Variants in SERINC5 observed in about 807,000 individuals in gnomAD.
SERINC5 encodes chromosome 5 open reading frame 12.
A neutral mutation model predicts 63.1 loss-of-function variants in SERINC5; 41 were observed. The ratio of observed to expected loss-of-function variants is 0.65; its 90% CI spans 0.51 to 0.84. The LOEUF (loss-of-function observed/expected upper bound fraction) is 0.84. SERINC5 is among the 40% of genes least tolerant of loss of function. The pLI is 0.00. For synonymous variants in SERINC5, 222 were observed against 215.2 expected (o/e 1.03, Z -0.28); for missense variants, 523 against 573.0 (o/e 0.91, Z 0.89).
chr5:80,124,172 C>T (rs1744651585), intron 11 of SERINC5, among the ~76,000 whole-genome samples: 1 of 152,110 alleles, frequency 6.6e-6, no homozygotes, highest in African/African-American at 2.4e-5. Flanking sequence ...CCCCAAATGG[C>T]CAGGACTCGA....
At chr5:80,211,580 T>A (rs1282365525) in intron 1 of SERINC5, among the ~76,000 whole-genome samples, 1 of 152,224 alleles carries the variant, frequency 6.6e-6, no homozygotes, top group Non-Finnish European at 1.5e-5. Context: ...ATCACCTGTC[T>A]ATAAACTGCG....
intron 8 of SERINC5, among the ~76,000 whole-genome samples, chr5:80,153,570 C>T (rs1465031351): frequency 1.3e-5 from 2 of 152,012 alleles, no homozygotes; most frequent in East Asian, 3.9e-4. Flanking sequence ...GCACAAATTG[C>T]TATAAAACAA....
intron 2 of SERINC5, among the ~76,000 whole-genome samples, chr5:80,188,986 A>G (rs528506799): frequency 6.6e-5 from 10 of 152,298 alleles, no homozygotes; most frequent in African/African-American, 2.4e-4. Context: ...TTAGTTTGTT[A>G]TCCTGCTGAT....
intron 1 of SERINC5, among the ~76,000 whole-genome samples, chr5:80,252,701 C>T (rs1294214217): frequency 2.0e-5 from 3 of 151,792 alleles, no homozygotes; most frequent in Admixed American, 2.0e-4. Context: ...AGACTTTACA[C>T]TTATCATCAC....
chr5:80,121,802 G>T (rs1300103449), intron 11 of SERINC5, among the ~76,000 whole-genome samples: 2 of 152,094 alleles, frequency 1.3e-5, no homozygotes, highest in Admixed American at 6.6e-5. Flanking sequence ...GAGAAAGAGA[G>T]GGGGAGGAGA....
intron 7 of SERINC5, among the ~76,000 whole-genome samples, chr5:80,164,910 GTTTTTTT>G (rs70982026): frequency 3.5e-5 from 3 of 85,180 alleles, no homozygotes; most frequent in East Asian, 3.7e-4. Context: ...CTTTTTTTCT[GTTTTTTT>G]TTTTTTTTTT....
At chr5:80,222,923 G>A (rs1352648993) in intron 1 of SERINC5, among the ~76,000 whole-genome samples, 1 of 152,036 alleles carries the variant, frequency 6.6e-6, no homozygotes, top group African/African-American at 2.4e-5. Flanking sequence ...ACAGTGGTAC[G>A]GTCACAGCTT....
intron 2 of SERINC5, among the ~76,000 whole-genome samples, chr5:80,182,940 A>T (rs566301991): frequency 2.6e-5 from 4 of 152,178 alleles, no homozygotes; most frequent in Non-Finnish European, 5.9e-5. Flanking sequence ...AGTGGAAGGA[A>T]GCCATTTTTC....
chr5:80,210,166 C>T lies in SERINC5; in HGVS notation c.28-7113G>A, dbSNP rs114027618. On this transcript the variant is annotated intron_variant, in intron 1 of 11. Coordinates refer to ENST00000507668, the MANE Select transcript of SERINC5 (RefSeq NM_001174072.3). ...TCCCTTCTGAAGAAGCTTCCCCTCCCGCAAACATACTGCAAAGGAAAATCT... is the reference window on the plus strand; with the variant it reads ...TCCCTTCTGAAGAAGCTTCCCCTCCTGCAAACATACTGCAAAGGAAAATCT... Among the ~76,000 whole-genome samples, 1,028 of 152,288 alleles carry T rather than the reference C, an allele frequency of 6.8e-3. 12 individuals are homozygous for T. Among genetic ancestry groups the T allele is most frequent in the African/African-American group, 0.021 (868 of 41,568 alleles).
rs1745358462 is a variant in SERINC5, at chr5:80,139,189, ATT to A, written c.*4472_*4473del. On this transcript the variant is annotated 3_prime_UTR_variant, in exon 12 of 12. Coordinates refer to ENST00000507668, the MANE Select transcript of SERINC5 (RefSeq NM_001174072.3). ...TAATCGTTTCAGAAAAGTTTAAAAA[ATT>A]AGCAAAGTTATATCTATAAAACTTT... 1.0e-6 allele frequency: 1 copy of A among 983,186 alleles called. No homozygotes were observed. Among genetic ancestry groups the A allele is most frequent in the Non-Finnish European group, 1.2e-6 (1 of 827,984 alleles). 60.9% of individuals were successfully genotyped at this position (983,186 alleles called of 1,614,324 possible). A position where few individuals can be genotyped will look rare whatever the true frequency, so the allele number is the denominator to read the frequency against.
chr5:80,116,976 G>A (rs2112224266), intron 11 of SERINC5, among the ~76,000 whole-genome samples: 1 of 152,028 alleles, frequency 6.6e-6, no homozygotes, highest in Admixed American at 6.5e-5. Flanking sequence ...TTACAGGCGA[G>A]TGCCACCAGG....
intron 1 of SERINC5, among the ~76,000 whole-genome samples, chr5:80,228,197 T>C (rs1282760465): frequency 1.4e-5 from 2 of 139,296 alleles, no homozygotes; most frequent in African/African-American, 2.7e-5. Context: ...ATTTCGGCAC[T>C]ACACTCCAGC....
chr5:80,140,433 G>A lies in SERINC5; in HGVS notation c.*3230C>T. On this transcript the variant is annotated 3_prime_UTR_variant, in exon 12 of 12. Coordinates refer to ENST00000507668, the MANE Select transcript of SERINC5 (RefSeq NM_001174072.3). Reference sequence around the variant, plus strand: ...TGAGGAATCGGAAATAAACAATGTTGTATGGAAACAGAACCCCAAAACCCC... The same window carrying A: ...TGAGGAATCGGAAATAAACAATGTTATATGGAAACAGAACCCCAAAACCCC... 1.0e-6 allele frequency: 1 copy of A among 982,316 alleles called. No homozygotes were observed. The highest frequency in any genetic ancestry group is 1.2e-6 in the Non-Finnish European group (1 of 829,166). 60.8% of individuals were successfully genotyped at this position (982,316 alleles called of 1,614,324 possible). A position where few individuals can be genotyped will look rare whatever the true frequency, so the allele number is the denominator to read the frequency against.
chr5:80,236,474 C>T (rs1384101163), intron 1 of SERINC5, among the ~76,000 whole-genome samples: 1 of 152,050 alleles, frequency 6.6e-6, no homozygotes, highest in African/African-American at 2.4e-5. Context: ...CAGTAGAAAG[C>T]AGGTTTGTCC....
At chr5:80,119,545 ATTC>A (rs1744460361) in intron 11 of SERINC5, among the ~76,000 whole-genome samples, 1 of 152,216 alleles carries the variant, frequency 6.6e-6, no homozygotes, top group African/African-American at 2.4e-5. Flanking sequence ...GTTGTTAACT[ATTC>A]TTTGAATCCC....
intron 2 of SERINC5, among the ~76,000 whole-genome samples, chr5:80,194,290 T>C (rs1293876502): frequency 1.3e-5 from 2 of 151,256 alleles, no homozygotes; most frequent in Non-Finnish European, 2.9e-5. Context: ...GAGGCTTCAA[T>C]GTGCCTATGC....
At chr5:80,202,839 C>G (rs375332984) in intron 2 of SERINC5, 47 bp downstream of exon 2, 7 of 1,559,708 alleles carry the variant, frequency 4.5e-6, no homozygotes, top group Admixed American at 3.5e-5. Context: ...CCCACACACC[C>G]TCATCAAACA....
Position 80,233,757 on chromosome 5 carries a change from T to C in SERINC5, c.27+22139A>G, listed in dbSNP as rs73129769. ...CTTAAGTTATTAGTCTGCTGTAAAA[T>C]GCTTTGTAAAGTTTACAGGAAGTAT... On this transcript the variant is annotated intron_variant, in intron 1 of 11. Transcript: ENST00000507668. Among the ~76,000 whole-genome samples, 1,313 of 151,042 alleles carry C rather than the reference T, an allele frequency of 8.7e-3. 27 individuals are homozygous for C. Among genetic ancestry groups the C allele is most frequent in the African/African-American group, 0.03 (1,225 of 41,062 alleles).
At position 80,139,763 on chromosome 5, in the gene SERINC5, T is replaced by TGCA; in HGVS notation, c.*3897_*3899dup. On this transcript the variant is annotated 3_prime_UTR_variant, in exon 12 of 12. Transcript: ENST00000507668. The stretch of plus-strand genomic sequence containing the variant: ...TAAATTCCACAAGCCAAGTGGCTAC[T>TGCA]GCATTGTCCCTGAAGAAGGAGGGCC... 2 of 985,474 alleles carry TGCA rather than the reference T, an allele frequency of 2.0e-6. No individual in the cohort carries two copies. Among genetic ancestry groups the TGCA allele is most frequent in the Non-Finnish European group, 2.4e-6 (2 of 829,962 alleles). 61.0% of individuals were successfully genotyped at this position (985,474 alleles called of 1,614,324 possible).
Sources: gnomAD v4.1 joint callset for allele counts (sites outside exome capture counted in the v4.1 genomes callset) on GRCh38, gnomAD v4.1.1 for gene constraint, MANE v1.5 for transcripts, NCBI Gene and HGNC (gene_info 2026-07-23, HGNC 2026-07-21) for gene names.